Variants in SLCO1B1 observed in about 807,000 individuals in gnomAD.
SLCO1B1 encodes the protein solute carrier organic anion transporter family member 1B1, also known as OATP-2.
In SLCO1B1, 81 loss-of-function variants were observed where a neutral mutation model predicts 70.1. The ratio of observed to expected loss-of-function variants is 1.16; its 90% CI spans 0.97 to 1.39. The LOEUF (loss-of-function observed/expected upper bound fraction) is 1.39, where lower values mean the gene tolerates loss of function less well. Among genes scored for constraint, SLCO1B1 ranks in the 40% most tolerant of loss-of-function variants. The pLI, the probability that SLCO1B1 is intolerant of heterozygous loss-of-function variation, is 0.00. For missense variants in SLCO1B1, 895 were observed against 799.6 expected (o/e 1.12, Z -1.44); for synonymous variants, 283 against 271.5 (o/e 1.04, Z -0.42).
At position 21,235,841 on chromosome 12, in the gene SLCO1B1, T is replaced by TTAG. The variant is rs1460064494; in HGVS notation, c.1866-3136_1866-3135insGTA. On this transcript the variant is annotated intron_variant, in intron 14 of 14. Transcript: ENST00000256958. ...GTTATGAAGTTCTTGGCTGTCATTA[T>TTAG]TATTTTTCTTTTGTAAGTCTAACAA... is the stretch of plus-strand genomic sequence containing the variant. Among the ~76,000 whole-genome samples the TTAG allele has an allele frequency of 3.3e-5, 5 of 151,484 alleles. No homozygotes were observed. In the East Asian group the frequency reaches 9.7e-4, roughly 29 times the overall value.
chr12:21,177,737 A>G (rs1940839712), intron 5 of SLCO1B1, among the ~76,000 whole-genome samples: 1 of 152,124 alleles, frequency 6.6e-6, no homozygotes, highest in South Asian at 2.1e-4. Flanking sequence ...AGTTATAGTC[A>G]TGATAAACCT....
At chr12:21,203,592 A>G (rs569706112) in intron 10 of SLCO1B1, among the ~76,000 whole-genome samples, 3 of 152,042 alleles carry the variant, frequency 2.0e-5, no homozygotes, top group Non-Finnish European at 4.4e-5. Context: ...ATTTTCTTCT[A>G]TAAACATTGT....
At chr12:21,146,651 T>C (rs1397637485) in intron 2 of SLCO1B1, among the ~76,000 whole-genome samples, 1 of 152,168 alleles carries the variant, frequency 6.6e-6, no homozygotes, top group African/African-American at 2.4e-5. Flanking sequence ...TTTTATTTTT[T>C]TCAAGATGTT....
chr12:21,231,376 A>G (rs1941535368), intron 14 of SLCO1B1, among the ~76,000 whole-genome samples: 1 of 151,780 alleles, frequency 6.6e-6, no homozygotes, highest in Admixed American at 6.6e-5. Context: ...ATATGGATTC[A>G]TTTTTAGAGA....
rs373327528 is a variant in SLCO1B1, at chr12:21,172,776, G to A, written c.211G>A (p.Gly71Arg). Residue 71 changes from glycine to arginine, a missense_variant, in exon 3 of 15, where the codon GGA (glycine) becomes AGA (arginine). Coordinates refer to ENST00000256958, the MANE Select transcript of SLCO1B1 (RefSeq NM_006446.5). ...ISSSLVGFIDGSFEIGNLLVI... is the reference protein window; with the variant it reads ...ISSSLVGFIDRSFEIGNLLVI... ...CTCTTCTCTTGTTGGTTTTATTGACGGAAGCTTTGAAATTGGTAACATTTA... is the reference window on the plus strand; with the variant it reads ...CTCTTCTCTTGTTGGTTTTATTGACAGAAGCTTTGAAATTGGTAACATTTA... 5.0e-5 allele frequency: 80 copies of A among 1,612,778 alleles called. No individual in the cohort carries two copies. Among genetic ancestry groups the A allele is most frequent in the South Asian group, 7.7e-5 (7 of 91,012 alleles).
chr12:21,214,699 G>A (rs57743625), intron 11 of SLCO1B1, among the ~76,000 whole-genome samples: 27,195 of 151,484 alleles, frequency 0.18, 2,802 homozygotes, highest in East Asian at 0.45. Context: ...AGACTGCTGT[G>A]CTAGCAATCA....
chr12:21,164,244 G>A (rs1461869218), intron 2 of SLCO1B1, among the ~76,000 whole-genome samples: 2 of 152,014 alleles, frequency 1.3e-5, no homozygotes, highest in African/African-American at 4.8e-5. Context: ...TTTATTTTTA[G>A]GCATGTCAAA....
At chr12:21,197,447 G>A (rs538740013) in intron 8 of SLCO1B1, among the ~76,000 whole-genome samples, 7 of 152,156 alleles carry the variant, frequency 4.6e-5, no homozygotes, top group Non-Finnish European at 7.4e-5. Flanking sequence ...CATTTTTTAT[G>A]AGCCAAATAG....
At chr12:21,191,457 T>C (rs910293402) in intron 7 of SLCO1B1, among the ~76,000 whole-genome samples, 1 of 152,084 alleles carries the variant, frequency 6.6e-6, no homozygotes, top group Non-Finnish European at 1.5e-5. Context: ...ATAAGTAATA[T>C]CTTATAATTA....
chr12:21,220,183 T>C, intron 12 of SLCO1B1, among the ~76,000 whole-genome samples: 1 of 152,186 alleles, frequency 6.6e-6, no homozygotes, highest in Non-Finnish European at 1.5e-5. Flanking sequence ...ATGGTGGTAC[T>C]ATTGAACAAA....
At chr12:21,185,720 T>C (rs1413687834) in intron 7 of SLCO1B1, among the ~76,000 whole-genome samples, 3 of 150,558 alleles carry the variant, frequency 2.0e-5, no homozygotes, top group Non-Finnish European at 4.4e-5. Context: ...AAACTGAAAA[T>C]AAATAACGAA....
intron 1 of SLCO1B1, among the ~76,000 whole-genome samples, chr12:21,136,993 G>A (rs552144093): frequency 3.3e-5 from 5 of 152,152 alleles, no homozygotes; most frequent in South Asian, 2.1e-4. Context: ...TGATGGTGAC[G>A]TACAGATGGG....
At chr12:21,207,603 G>A (rs1201730376) in intron 11 of SLCO1B1, among the ~76,000 whole-genome samples, 1 of 151,940 alleles carries the variant, frequency 6.6e-6, no homozygotes, top group African/African-American at 2.4e-5. Context: ...GACCATAGAA[G>A]TATATAAGTA....
At chr12:21,192,383 T>G (rs1009126687) in intron 7 of SLCO1B1, among the ~76,000 whole-genome samples, 2 of 151,932 alleles carry the variant, frequency 1.3e-5, no homozygotes, top group African/African-American at 4.8e-5. Context: ...ATGTATAATT[T>G]CTCATAGTAA....
chr12:21,174,708 TAGTA>T lies in SLCO1B1; in HGVS notation c.359+3_359+6del. ...TGCTTTGCCACATTTCTTCATGGGA[TAGTA>T]AGTGTTAAAAAAAAAAAAAACCTCT... On this transcript the variant is annotated splice_donor_variant and splice_donor_region_variant and coding_sequence_variant and intron_variant, in exon 4 of 15. Transcript: ENST00000256958. LOFTEE classifies it high-confidence loss of function. 5 of 1,588,710 alleles carry T rather than the reference TAGTA, an allele frequency of 3.1e-6. No individual in the cohort carries two copies. Among genetic ancestry groups the T allele is most frequent in the Non-Finnish European group, 4.3e-6 (5 of 1,169,988 alleles).
At chr12:21,134,245 T>C (rs992802574) in intron 1 of SLCO1B1, among the ~76,000 whole-genome samples, 10 of 152,226 alleles carry the variant, frequency 6.6e-5, no homozygotes, top group East Asian at 3.8e-4. Flanking sequence ...CAGTATTTTA[T>C]TGAGGATTTT....
In SLCO1B1 at chr12:21,217,252, A is replaced by G. The variant is rs752480470; in HGVS notation, c.1631A>G (p.Asn544Ser). The G allele has an allele frequency of 1.2e-6, 2 of 1,613,630 alleles. No homozygotes were observed. The highest frequency in any genetic ancestry group is 2.7e-5 in the African/African-American group (2 of 74,892). Residue 544 changes from asparagine (N) to serine (S), a missense_variant, in exon 12 of 15, where the codon AAT becomes AGT. Coordinates refer to ENST00000256958, the MANE Select transcript of SLCO1B1 (RefSeq NM_006446.5). ...FYFFVAIQVL[N>S]LFFSALGGTS... is the part of the protein sequence containing the mutation. ...TTTTTTGTTGCAATACAAGTCTTGA[A>G]TTTATTTTTCTCTGCACTTGGAGGC...
At position 21,202,356 on chromosome 12, in the gene SLCO1B1, T is replaced by C. The variant is rs79661732; in HGVS notation, c.1136-135T>C. The C allele has an allele frequency of 2.2e-3, 1,407 of 639,124 alleles. 12 individuals are homozygous for C. The African/African-American group carries it at 0.022, about 10-fold the overall frequency. 39.6% of individuals were successfully genotyped at this position (639,124 alleles called of 1,614,324 possible). On this transcript the variant is annotated intron_variant, in intron 9 of 14. Transcript: ENST00000256958. ...CAAACATGCACATTCTGCACATGTA[T>C]CCCAGAACTTAAAGTAAAATTTTAA...
In SLCO1B1 at chr12:21,141,572, A is replaced by T. The variant is rs180888034; in HGVS notation, c.-3A>T. 2 of 1,600,182 alleles carry T rather than the reference A, an allele frequency of 1.2e-6. No individual in the cohort carries two copies. Among genetic ancestry groups the T allele is most frequent in the South Asian group, 2.2e-5 (2 of 90,488 alleles). On this transcript the variant is annotated 5_prime_UTR_variant, in exon 2 of 15. Coordinates refer to ENST00000256958, the MANE Select transcript of SLCO1B1 (RefSeq NM_006446.5). ...ACATTTGTATGATATCTATATTTCAATCATGGACCAAAATCAACATTTGAA... is the reference window on the plus strand; with the variant it reads ...ACATTTGTATGATATCTATATTTCATTCATGGACCAAAATCAACATTTGAA...
Sources: gnomAD v4.1 joint callset for allele counts (sites outside exome capture counted in the v4.1 genomes callset) on GRCh38, gnomAD v4.1.1 for gene constraint, MANE v1.5 for transcripts, NCBI Gene and HGNC (gene_info 2026-07-23, HGNC 2026-07-21) for gene names.